The following TAS2R1 variants were observed in gnomAD, a reference collection of about 807,000 sequenced individuals.
TAS2R1 encodes taste 2 receptor member 1.
For missense variants in TAS2R1, 370 were observed against 353.4 expected, an observed-to-expected ratio of 1.05 and a Z score of -0.38; for synonymous variants, 141 against 134.2, an observed-to-expected ratio of 1.05 and a Z score of -0.35.
At chr5:9,710,882 T>C (rs187871999) in intron 1 of TAS2R1, among the ~76,000 whole-genome samples, 1,010 of 96,706 alleles carry the variant, frequency 0.01, 13 homozygotes, top group African/African-American at 0.047. Context: ...TATATATGCA[T>C]ACACACACAC....
At chr5:9,663,048 G>A (rs1046297882) in intron 1 of TAS2R1, among the ~76,000 whole-genome samples, 2 of 152,100 alleles carry the variant, frequency 1.3e-5, no homozygotes, top group Non-Finnish European at 2.9e-5. Flanking sequence ...ACTTAAATGT[G>A]ATCATGTGAC....
chr5:9,729,133 C>A, the TAS2R1 span, among the ~76,000 whole-genome samples: 2 of 152,216 alleles, frequency 1.3e-5, no homozygotes, highest in South Asian at 2.1e-4. Flanking sequence ...CTGGGTTGGA[C>A]CCCAGTCTGA....
the TAS2R1 span, among the ~76,000 whole-genome samples, chr5:9,741,047 A>G: frequency 6.6e-6 from 1 of 152,186 alleles, no homozygotes; most frequent in African/African-American, 2.4e-5. Context: ...TAAATACTGA[A>G]CAGGAATTAG....
chr5:9,726,699 C>T, the TAS2R1 span, among the ~76,000 whole-genome samples: 3 of 152,158 alleles, frequency 2.0e-5, no homozygotes, highest in Non-Finnish European at 4.4e-5. Flanking sequence ...CGCGAGGGTC[C>T]GCGGCTTCAT....
At chr5:9,889,282 T>C in the TAS2R1 span, among the ~76,000 whole-genome samples, 162 of 152,138 alleles carry the variant, frequency 1.1e-3, no homozygotes, top group African/African-American at 3.7e-3. Context: ...ACTGTACTGA[T>C]GATGGAGGGA....
chr5:9,631,784 G>A (rs981514433), upstream of TAS2R1, among the ~76,000 whole-genome samples: 3 of 152,172 alleles, frequency 2.0e-5, no homozygotes, highest in African/African-American at 7.2e-5. Context: ...AATTAGTCGT[G>A]AGAGTAAATC....
chr5:9,856,464 C>A, the TAS2R1 span, among the ~76,000 whole-genome samples: 1 of 152,142 alleles, frequency 6.6e-6, no homozygotes. Flanking sequence ...CAGGAGAATA[C>A]AGAGGAAGTT....
chr5:9,703,370 G>A (rs905536646), intron 1 of TAS2R1, among the ~76,000 whole-genome samples: 2 of 152,154 alleles, frequency 1.3e-5, no homozygotes, highest in African/African-American at 4.8e-5. Flanking sequence ...TAATACTGAT[G>A]GGTGCTTTAG....
At chr5:9,796,326 C>A in the TAS2R1 span, among the ~76,000 whole-genome samples, 3 of 152,312 alleles carry the variant, frequency 2.0e-5, no homozygotes, top group Admixed American at 2.0e-4. Flanking sequence ...TGGGCCCAGG[C>A]ACCAGCCCTA....
the TAS2R1 span, among the ~76,000 whole-genome samples, chr5:9,734,154 A>G: frequency 6.6e-6 from 1 of 152,190 alleles, no homozygotes; most frequent in Non-Finnish European, 1.5e-5. Flanking sequence ...TGAGGACACC[A>G]TGAGAATAAT....
At chr5:9,871,821 C>T in the TAS2R1 span, among the ~76,000 whole-genome samples, 1 of 152,098 alleles carries the variant, frequency 6.6e-6, no homozygotes, top group Non-Finnish European at 1.5e-5. Context: ...ACAAGAAATG[C>T]CCTGTCCAAA....
chr5:9,633,303 TATATA>T (rs1739908348), upstream of TAS2R1, among the ~76,000 whole-genome samples: 1 of 126,970 alleles, frequency 7.9e-6, no homozygotes. Context: ...ATTATATATA[TATATA>T]TATATATATA....
the TAS2R1 span, among the ~76,000 whole-genome samples, chr5:9,806,009 T>C: frequency 6.6e-6 from 1 of 151,996 alleles, no homozygotes; most frequent in Non-Finnish European, 1.5e-5. Flanking sequence ...TAAAGACTCA[T>C]CCAAAAAGCT....
chr5:9,677,211 C>A (rs1410479888), intron 1 of TAS2R1, among the ~76,000 whole-genome samples: 1 of 152,052 alleles, frequency 6.6e-6, no homozygotes. Context: ...ATGATGAGAA[C>A]ACATGGACAC....
At chr5:9,691,666 G>T (rs528705767) in intron 1 of TAS2R1, among the ~76,000 whole-genome samples, 1 of 152,366 alleles carries the variant, frequency 6.6e-6, no homozygotes, top group South Asian at 2.1e-4. Context: ...TTCTAAAATG[G>T]CCAGGCTGGG....
At chr5:9,846,689 A>G in the TAS2R1 span, among the ~76,000 whole-genome samples, 1 of 152,152 alleles carries the variant, frequency 6.6e-6, no homozygotes, top group Admixed American at 6.5e-5. Context: ...CATTGCACAC[A>G]CACACACAAA....
At chr5:9,805,404 T>G in the TAS2R1 span, among the ~76,000 whole-genome samples, 2 of 151,984 alleles carry the variant, frequency 1.3e-5, no homozygotes, top group African/African-American at 4.8e-5. Flanking sequence ...ATGAAGCCAG[T>G]ATCACCCTAA....
At chr5:9,897,235 G>A in the TAS2R1 span, among the ~76,000 whole-genome samples, 3 of 152,156 alleles carry the variant, frequency 2.0e-5, no homozygotes, top group Non-Finnish European at 2.9e-5. Context: ...TAGATCACAA[G>A]GTCAGGAGTT....
the TAS2R1 span, among the ~76,000 whole-genome samples, chr5:9,778,072 G>A: frequency 6.6e-6 from 1 of 152,134 alleles, no homozygotes; most frequent in Non-Finnish European, 1.5e-5. Context: ...AGTAGAGACA[G>A]GGTTTCACCT....
Sources: allele counts gnomAD v4.1 joint callset (sites outside exome capture counted in the v4.1 genomes callset), GRCh38; gene constraint gnomAD v4.1.1; transcripts MANE v1.5; gene names NCBI Gene and HGNC (gene_info 2026-07-23, HGNC 2026-07-21).